ST7: variants seen among roughly 807,000 people sequenced by gnomAD.
The protein encoded by ST7 is suppression of tumorigenicity 7.
In ST7, 28 loss-of-function variants were observed where a neutral mutation model predicts 78.7. That is an observed-to-expected ratio of 0.36 (90% CI 0.26 to 0.49). The LOEUF is 0.49. ST7 is among the 20% of genes least tolerant of loss of function. ST7 has a pLI of 0.99. For synonymous variants in ST7, 247 were observed against 249.6 expected, an observed-to-expected ratio of 0.99 and a Z score of 0.10; for missense variants, 418 against 696.0, an observed-to-expected ratio of 0.60 and a Z score of 4.49.
intron 1 of ST7, among the ~76,000 whole-genome samples, chr7:117,003,723 T>C (rs1795039571): frequency 6.6e-6 from 1 of 152,218 alleles, no homozygotes; most frequent in Non-Finnish European, 1.5e-5. Flanking sequence ...TGAGCCACCA[T>C]ACCTGACGAA....
At chr7:117,105,998 G>GT (rs79793311) in intron 2 of ST7, among the ~76,000 whole-genome samples, 2,574 of 146,732 alleles carry the variant, frequency 0.018, 70 homozygotes, top group East Asian at 0.12. Context: ...TTTTGTTTTT[G>GT]TTTTTTTTTT....
At position 117,153,456 on chromosome 7, in the gene ST7, A is replaced by T. The variant is rs142719547; in HGVS notation, c.963+14924A>T. ...GAAAAAGTGAGTAGAGTAAAAAAGA[A>T]GAGGAGGGAGAAGTGCAGGATCAAT... On this transcript the variant is annotated intron_variant, in intron 9 of 15. Transcript: ENST00000323984. 5.5e-3 allele frequency among the ~76,000 whole-genome samples: 840 copies of T among 152,288 alleles called. 7 individuals carry two copies. Among genetic ancestry groups the T allele is most frequent in the African/African-American group, 0.019 (794 of 41,562 alleles).
intron 1 of ST7, among the ~76,000 whole-genome samples, chr7:116,964,088 ACT>A (rs1440580886): frequency 6.6e-6 from 1 of 152,082 alleles, no homozygotes; most frequent in Non-Finnish European, 1.5e-5. Flanking sequence ...AAACAGAAAC[ACT>A]CTGAAGTATA....
chr7:116,990,857 A>G (rs1003562093), intron 1 of ST7, among the ~76,000 whole-genome samples: 3 of 152,214 alleles, frequency 2.0e-5, no homozygotes, highest in Non-Finnish European at 4.4e-5. Flanking sequence ...AAAATTTAAA[A>G]AGTAGACTTT....
At chr7:117,200,288 A>G (rs1246116041) in intron 12 of ST7, among the ~76,000 whole-genome samples, 1 of 152,136 alleles carries the variant, frequency 6.6e-6, no homozygotes, top group Non-Finnish European at 1.5e-5. Flanking sequence ...CCCTCTGCAT[A>G]CAGTTCAGAA....
At chr7:117,117,439 G>C (rs1315182092) in intron 2 of ST7, among the ~76,000 whole-genome samples, 1 of 152,144 alleles carries the variant, frequency 6.6e-6, no homozygotes, top group Non-Finnish European at 1.5e-5. Context: ...ACTGGCAGGT[G>C]CTCCAGCAGC....
intron 3 of ST7, among the ~76,000 whole-genome samples, chr7:117,120,088 G>A (rs1427738009): frequency 6.6e-6 from 1 of 152,038 alleles, no homozygotes; most frequent in East Asian, 1.9e-4. Context: ...GCACCACCAT[G>A]CCTGGCTAAT....
chr7:117,105,209 AAGCCAAGTAC>A (rs1801859576), intron 2 of ST7, among the ~76,000 whole-genome samples: 1 of 152,240 alleles, frequency 6.6e-6, no homozygotes, highest in Admixed American at 6.5e-5. Flanking sequence ...TGAGTGAAAT[AAGCCAAGTAC>A]AGAAAGACAT....
At chr7:117,119,437 A>T in intron 2 of ST7, 124 bp from the exon 3 acceptor site, 1 of 954,004 alleles carries the variant, frequency 1.0e-6, no homozygotes, top group Non-Finnish European at 1.5e-6. Context: ...TTTTTAGAAT[A>T]AACAGTTTTT....
intron 1 of ST7, among the ~76,000 whole-genome samples, chr7:116,979,710 C>A (rs1435058765): frequency 6.6e-6 from 1 of 152,026 alleles, no homozygotes; most frequent in Non-Finnish European, 1.5e-5. Context: ...CTAATCTCTC[C>A]TAATCTATCC....
At chr7:116,955,007 A>G (rs1486699806) in intron 1 of ST7, 3 of 393,384 alleles carry the variant, frequency 7.6e-6, no homozygotes, top group Non-Finnish European at 1.6e-5. Context: ...GGAGGCGGAT[A>G]GGATTCAGCA....
chr7:117,195,908 A>G (rs1024075446), intron 12 of ST7, among the ~76,000 whole-genome samples: 1 of 151,582 alleles, frequency 6.6e-6, no homozygotes, highest in Non-Finnish European at 1.5e-5. Flanking sequence ...TTGAACAGCA[A>G]CTCCTCATTT....
chr7:117,191,449 A>G (rs16870066), intron 12 of ST7, among the ~76,000 whole-genome samples: 1,957 of 152,342 alleles, frequency 0.013, 47 homozygotes, highest in African/African-American at 0.044. Context: ...TATATAGTAG[A>G]AAATATTTGT....
intron 1 of ST7, among the ~76,000 whole-genome samples, chr7:117,085,322 A>G (rs1584610296): frequency 6.6e-6 from 1 of 152,194 alleles, no homozygotes; most frequent in African/African-American, 2.4e-5. Context: ...TCATTTATGT[A>G]TCTGGTTTTG....
At chr7:116,990,628 T>G (rs991312622) in intron 1 of ST7, among the ~76,000 whole-genome samples, 1 of 152,224 alleles carries the variant, frequency 6.6e-6, no homozygotes, top group African/African-American at 2.4e-5. Context: ...TTTAGAAAGC[T>G]GCATACCCAT....
intron 1 of ST7, among the ~76,000 whole-genome samples, chr7:116,999,992 T>C (rs1418953823): frequency 1.3e-5 from 2 of 151,886 alleles, no homozygotes; most frequent in African/African-American, 4.8e-5. Flanking sequence ...TTGTATTTTT[T>C]AGTAGAGATG....
At chr7:117,198,256 A>G (rs1019538121) in intron 12 of ST7, 5 of 448,216 alleles carry the variant, frequency 1.1e-5, no homozygotes, top group African/African-American at 1.0e-4. Flanking sequence ...GTACCTGCTC[A>G]GTACATGTTG....
chr7:117,044,996 T>G (rs1335498964), intron 1 of ST7, among the ~76,000 whole-genome samples: 1 of 152,182 alleles, frequency 6.6e-6, no homozygotes. Context: ...TCCTTCCAGT[T>G]ATTGAGACCA....
intron 10 of ST7, chr7:117,182,694 C>T (rs760452408): frequency 5.9e-5 from 9 of 152,168 alleles, no homozygotes; most frequent in South Asian, 4.1e-4. Context: ...TATTCAGAGA[C>T]GTAGAGTGGC....
Sources: allele counts gnomAD v4.1 joint callset (sites outside exome capture counted in the v4.1 genomes callset), GRCh38; gene constraint gnomAD v4.1.1; transcripts MANE v1.5; gene names NCBI Gene and HGNC (gene_info 2026-07-23, HGNC 2026-07-21).